Variants in PRKCB observed in about 807,000 individuals in gnomAD.
PRKCB encodes protein kinase C beta.
In PRKCB, 13 loss-of-function variants were observed where a neutral mutation model predicts 81.5. The ratio of observed to expected loss-of-function variants is 0.16; its 90% CI spans 0.10 to 0.25. The LOEUF (loss-of-function observed/expected upper bound fraction) is 0.25. Ranked by LOEUF, PRKCB falls within the 10% of genes least tolerant of loss-of-function variation. PRKCB has a pLI of 1.00. For synonymous variants in PRKCB, 335 were observed against 321.4 expected (o/e 1.04, Z -0.45); for missense variants, 509 against 875.7 (o/e 0.58, Z 5.29).
At chr16:23,982,031 T>C (rs1596497271) in intron 2 of PRKCB, among the ~76,000 whole-genome samples, 1 of 107,708 alleles carries the variant, frequency 9.3e-6, no homozygotes, top group Admixed American at 9.5e-5. Context: ...CACTTCCCTT[T>C]CCCTTCACCT....
intron 7 of PRKCB, among the ~76,000 whole-genome samples, chr16:24,108,300 T>C (rs1449796627): frequency 1.3e-5 from 2 of 149,538 alleles, no homozygotes; most frequent in African/African-American, 4.9e-5. Context: ...TTATTATTTT[T>C]TTTTAATTGA....
At chr16:23,986,497 C>A (rs1431818528) in intron 2 of PRKCB, among the ~76,000 whole-genome samples, 1 of 152,166 alleles carries the variant, frequency 6.6e-6, no homozygotes, top group Non-Finnish European at 1.5e-5. Context: ...AGTGATCCTC[C>A]TGCCTTGGTG....
At chr16:24,001,389 G>C (rs1265067832) in intron 3 of PRKCB, among the ~76,000 whole-genome samples, 1 of 152,126 alleles carries the variant, frequency 6.6e-6, no homozygotes, top group African/African-American at 2.4e-5. Flanking sequence ...CACTAATGTT[G>C]ACCTTATCCT....
intron 2 of PRKCB, among the ~76,000 whole-genome samples, chr16:23,950,148 T>G (rs1334988811): frequency 2.0e-5 from 3 of 146,504 alleles, no homozygotes; most frequent in East Asian, 4.0e-4. Context: ...TTTTTTTTTT[T>G]TTTTTTTTTT....
intron 2 of PRKCB, among the ~76,000 whole-genome samples, chr16:23,859,087 G>A (rs1597212721): frequency 6.6e-6 from 1 of 152,144 alleles, no homozygotes; most frequent in Admixed American, 6.5e-5. Context: ...AGCTTTGATG[G>A]CACCACTGCA....
intron 12 of PRKCB, among the ~76,000 whole-genome samples, chr16:24,175,949 G>A (rs1296509673): frequency 5.5e-5 from 8 of 145,834 alleles, no homozygotes; most frequent in African/African-American, 2.0e-4. Flanking sequence ...TCCAGCCTGC[G>A]TGACACAGCA....
Position 24,037,602 on chromosome 16 carries a change from C to T in PRKCB, c.529+2055C>T, listed in dbSNP as rs562428812. Among the ~76,000 whole-genome samples, 4 of 152,144 alleles carry T rather than the reference C, an allele frequency of 2.6e-5. No individual in the cohort carries two copies. The East Asian group carries it at 5.8e-4, about 22-fold the overall frequency. On this transcript the variant is annotated intron_variant, in intron 5 of 16. Transcript: ENST00000643927. The stretch of plus-strand genomic sequence containing the variant: ...CGTTTCGTTTCTCTATGCCCTCCAC[C>T]GTATTTATTCCTTTTGTGGTTTGGC...
chr16:24,047,566 G>T (rs969240056), intron 5 of PRKCB, among the ~76,000 whole-genome samples: 4 of 151,568 alleles, frequency 2.6e-5, no homozygotes, highest in African/African-American at 9.7e-5. Context: ...TTGAGCACCC[G>T]CCTCTAGTCC....
intron 5 of PRKCB, among the ~76,000 whole-genome samples, chr16:24,082,445 A>G (rs186316485): frequency 6.6e-5 from 10 of 152,346 alleles, no homozygotes; most frequent in Non-Finnish European, 1.5e-4. Flanking sequence ...GAATTACTGT[A>G]CCCAATCTTA....
intron 3 of PRKCB, among the ~76,000 whole-genome samples, chr16:24,000,256 T>G (rs1278670967): frequency 2.0e-5 from 3 of 152,182 alleles, no homozygotes; most frequent in African/African-American, 4.8e-5. Context: ...TTTATAAAAA[T>G]CTGCATGTTA....
intron 10 of PRKCB, among the ~76,000 whole-genome samples, chr16:24,162,788 G>T (rs59091057): frequency 6.6e-6 from 1 of 151,994 alleles, no homozygotes. Flanking sequence ...TAGTTAATGC[G>T]TGCAATGTAC....
chr16:23,956,415 G>A (rs1322544549), intron 2 of PRKCB, among the ~76,000 whole-genome samples: 1 of 151,822 alleles, frequency 6.6e-6, no homozygotes, highest in East Asian at 1.9e-4. Flanking sequence ...TTCATAATAT[G>A]GCCACCATAT....
intron 2 of PRKCB, among the ~76,000 whole-genome samples, chr16:23,907,628 A>C (rs892335971): frequency 6.6e-6 from 1 of 152,240 alleles, no homozygotes; most frequent in African/African-American, 2.4e-5. Context: ...TGTCATCAGC[A>C]GTATCAATGG....
chr16:24,177,564 A>G (rs943225801), intron 12 of PRKCB, among the ~76,000 whole-genome samples: 11 of 152,238 alleles, frequency 7.2e-5, no homozygotes, highest in African/African-American at 2.7e-4. Flanking sequence ...ACAGTTGGTC[A>G]TACTTACTCA....
chr16:24,012,852 T>G (rs1567343832), intron 3 of PRKCB, among the ~76,000 whole-genome samples: 1 of 152,352 alleles, frequency 6.6e-6, no homozygotes, highest in East Asian at 1.9e-4. Flanking sequence ...TCTGAGTACC[T>G]TCGTTCACTC....
At chr16:23,977,464 G>A (rs530968964) in intron 2 of PRKCB, among the ~76,000 whole-genome samples, 3 of 152,052 alleles carry the variant, frequency 2.0e-5, no homozygotes, top group Non-Finnish European at 4.4e-5. Flanking sequence ...AAGCTCCCTG[G>A]TGACTCCTGG....
At chr16:24,145,009 G>A (rs1314985599) in intron 9 of PRKCB, among the ~76,000 whole-genome samples, 1 of 152,126 alleles carries the variant, frequency 6.6e-6, no homozygotes, top group Non-Finnish European at 1.5e-5. Flanking sequence ...ACAAAGGAGG[G>A]GAAGGGGATG....
intron 2 of PRKCB, among the ~76,000 whole-genome samples, chr16:23,878,918 G>A (rs943925188): frequency 2.0e-5 from 3 of 152,116 alleles, no homozygotes; most frequent in Non-Finnish European, 2.9e-5. Flanking sequence ...GGTTCATGCT[G>A]TAATCCTAGC....
chr16:23,986,112 A>C (rs1964800117), intron 2 of PRKCB, among the ~76,000 whole-genome samples: 1 of 152,154 alleles, frequency 6.6e-6, no homozygotes, highest in Non-Finnish European at 1.5e-5. Flanking sequence ...ATAAAAGTAC[A>C]AAAAAACTCC....
Sources: allele counts gnomAD v4.1 joint callset (sites outside exome capture counted in the v4.1 genomes callset), GRCh38; gene constraint gnomAD v4.1.1; transcripts MANE v1.5; gene names NCBI Gene and HGNC (gene_info 2026-07-23, HGNC 2026-07-21).